ADARB2: variants seen among roughly 807,000 people sequenced by gnomAD.
The protein encoded by ADARB2 is adenosine deaminase RNA specific B2 (inactive).
In ADARB2, 25 loss-of-function variants were observed where a neutral mutation model predicts 62.2. The observed-to-expected ratio is 0.40, with a 90% confidence interval of 0.29 to 0.56. The LOEUF (loss-of-function observed/expected upper bound fraction) is 0.56, where lower values mean the gene tolerates loss of function less well. Ranked by LOEUF, ADARB2 falls within the 20% of genes least tolerant of loss-of-function variation. The pLI is 0.43. For missense variants in ADARB2, 1,071 were observed against 1,077.4 expected (o/e 0.99, Z 0.08); for synonymous variants, 572 against 500.8 (o/e 1.14, Z -1.90).
intron 6 of ADARB2, among the ~76,000 whole-genome samples, chr10:1,226,489 TTTTTAGAGTTTCCAG>T (rs1332552691): frequency 5.9e-5 from 9 of 152,350 alleles, no homozygotes; most frequent in African/African-American, 2.2e-4. Flanking sequence ...GGTGCTCTGA[TTTTTAGAGTTTCCAG>T]TTTTTCTGCT....
chr10:1,610,817 T>TAC (rs759657692), intron 1 of ADARB2, among the ~76,000 whole-genome samples: 1 of 151,084 alleles, frequency 6.6e-6, no homozygotes, highest in African/African-American at 2.4e-5. Flanking sequence ...TACAGACACA[T>TAC]ACAGACACAG....
At chr10:1,671,707 G>A (rs894513685) in intron 1 of ADARB2, among the ~76,000 whole-genome samples, 5 of 151,958 alleles carry the variant, frequency 3.3e-5, no homozygotes, top group Admixed American at 6.5e-5. Flanking sequence ...TTCCAGCTGC[G>A]ACAGTGTACC....
At chr10:1,305,964 C>T (rs1831623343) in intron 3 of ADARB2, among the ~76,000 whole-genome samples, 1 of 152,098 alleles carries the variant, frequency 6.6e-6, no homozygotes, top group Non-Finnish European at 1.5e-5. Context: ...TGGGCAAAAA[C>T]TGGAAGCATT....
intron 1 of ADARB2, among the ~76,000 whole-genome samples, chr10:1,706,340 G>A (rs1342787412): frequency 1.3e-5 from 2 of 152,222 alleles, no homozygotes; most frequent in African/African-American, 4.8e-5. Flanking sequence ...TGGGTACAAA[G>A]AGAACTGGGG....
chr10:1,488,511 C>T (rs1023305275), intron 1 of ADARB2, among the ~76,000 whole-genome samples: 3 of 152,096 alleles, frequency 2.0e-5, no homozygotes, highest in African/African-American at 7.2e-5. Flanking sequence ...CCTGGTGGGA[C>T]GGTGGAGAAC....
At chr10:1,638,994 C>T (rs1019610940) in intron 1 of ADARB2, among the ~76,000 whole-genome samples, 2 of 152,162 alleles carry the variant, frequency 1.3e-5, no homozygotes, top group South Asian at 2.1e-4. Context: ...GCCGTCTTGG[C>T]GAGTGTCTTG....
intron 1 of ADARB2, among the ~76,000 whole-genome samples, chr10:1,660,489 C>T (rs996035233): frequency 6.6e-6 from 1 of 152,132 alleles, no homozygotes; most frequent in African/African-American, 2.4e-5. Context: ...CAGGTAACTG[C>T]ATGTAATGAG....
chr10:1,650,227 A>T (rs970924782), intron 1 of ADARB2, among the ~76,000 whole-genome samples: 1 of 152,200 alleles, frequency 6.6e-6, no homozygotes, highest in Admixed American at 6.5e-5. Context: ...AGCCTAGTTT[A>T]TGTTTTTTGG....
rs201838719 is a variant in ADARB2 at position 1,184,935 on chromosome 10, G to T, written c.1969C>A (p.Arg657=). 3 of 1,613,888 alleles carry T rather than the reference G, an allele frequency of 1.9e-6. No individual in the cohort carries two copies. Among genetic ancestry groups the T allele is most frequent in the East Asian group, 4.5e-5 (2 of 44,868 alleles). The stretch of plus-strand genomic sequence containing the variant: ...CGGGATGGGCCCCCACAGCTCCTCC[G>T]CCCAGTGGTGGCGTTGATAATCTCC... ...DLEIINATTG[R]RSCGGPSRLC... is the part of the protein sequence containing the mutation. Residue 657 remains arginine, a synonymous_variant, in exon 9 of 10, where the codon CGG becomes AGG. Transcript: ENST00000381312.
intron 1 of ADARB2, among the ~76,000 whole-genome samples, chr10:1,490,428 T>C (rs1158247341): frequency 6.6e-6 from 1 of 152,174 alleles, no homozygotes; most frequent in Non-Finnish European, 1.5e-5. Flanking sequence ...GAGGTTTCTT[T>C]TACTACTGCT....
chr10:1,560,696 C>G (rs548718359), intron 1 of ADARB2, among the ~76,000 whole-genome samples: 1 of 145,798 alleles, frequency 6.9e-6, no homozygotes, highest in Non-Finnish European at 1.6e-5. Context: ...GAAAAAGCCA[C>G]ACTCTCGCCC....
chr10:1,451,188 C>T (rs1564292672), intron 1 of ADARB2, among the ~76,000 whole-genome samples: 2 of 152,182 alleles, frequency 1.3e-5, no homozygotes, highest in Non-Finnish European at 1.5e-5. Context: ...CACTTTTTCT[C>T]AGGAGACAAC....
chr10:1,300,204 C>T (rs1045813942), intron 3 of ADARB2, among the ~76,000 whole-genome samples: 6 of 152,254 alleles, frequency 3.9e-5, no homozygotes, highest in Non-Finnish European at 8.8e-5. Context: ...CATCTGTCTT[C>T]CTTCCAAACC....
At position 1,594,358 on chromosome 10, in the gene ADARB2, G is replaced by A. The variant is rs754730194; in HGVS notation, c.100+142693C>T. Reference sequence around the variant, plus strand: ...AACCACGTCTGCGTGACTGCCTCCCGGGGCGAGGTAGCATGCCTCCTGTCC... The same window carrying A: ...AACCACGTCTGCGTGACTGCCTCCCAGGGCGAGGTAGCATGCCTCCTGTCC... On this transcript the variant is annotated intron_variant, in intron 1 of 9. Transcript: ENST00000381312. Among the ~76,000 whole-genome samples, 15 of 152,216 alleles carry A rather than the reference G, an allele frequency of 9.9e-5. No homozygotes were observed. In the South Asian group the frequency reaches 1.7e-3, roughly 17 times the overall value.
chr10:1,274,157 A>G (rs554944807), intron 3 of ADARB2, among the ~76,000 whole-genome samples: 3 of 152,322 alleles, frequency 2.0e-5, no homozygotes, highest in African/African-American at 7.2e-5. Flanking sequence ...GGTCCGCCCC[A>G]CGGCACATGG....
chr10:1,331,564 AG>A (rs1352461193), intron 3 of ADARB2, among the ~76,000 whole-genome samples: 4 of 152,224 alleles, frequency 2.6e-5, no homozygotes, highest in Non-Finnish European at 4.4e-5. Context: ...CAGAAAGATC[AG>A]TGGTTGCTAG....
intron 3 of ADARB2, among the ~76,000 whole-genome samples, chr10:1,283,431 TA>T (rs1282521685): frequency 6.6e-6 from 1 of 152,212 alleles, no homozygotes; most frequent in African/African-American, 2.4e-5. Context: ...GAATTAATGG[TA>T]GTGTGCACAG....
chr10:1,677,527 C>A (rs1339585260), intron 1 of ADARB2, among the ~76,000 whole-genome samples: 3 of 151,996 alleles, frequency 2.0e-5, no homozygotes, highest in Admixed American at 1.3e-4. Context: ...ACAATGGGAC[C>A]TCCTAGGAAG....
intron 1 of ADARB2, among the ~76,000 whole-genome samples, chr10:1,629,602 G>A (rs942565634): frequency 4.5e-5 from 6 of 134,682 alleles, no homozygotes; most frequent in East Asian, 2.2e-4. Flanking sequence ...CACAAAGGCC[G>A]GGTGCTTCCG....
Sources: allele counts gnomAD v4.1 joint callset (sites outside exome capture counted in the v4.1 genomes callset), GRCh38; gene constraint gnomAD v4.1.1; transcripts MANE v1.5; gene names NCBI Gene and HGNC (gene_info 2026-07-23, HGNC 2026-07-21).